ANO2: variants seen among roughly 807,000 people sequenced by gnomAD.
ANO2 encodes anoctamin-2.
In ANO2, 101 loss-of-function variants were observed where a neutral mutation model predicts 124.2. The ratio of observed to expected loss-of-function variants is 0.81; its 90% CI spans 0.69 to 0.96. The LOEUF (loss-of-function observed/expected upper bound fraction) is 0.96, where lower values mean the gene tolerates loss of function less well. Among genes scored for constraint, ANO2 ranks in the 40% least tolerant of loss-of-function variants. The probability of loss-of-function intolerance (pLI) is 0.00; values close to 1 mark genes in which losing one functional copy is unlikely to be tolerated. For missense variants in ANO2, 1,293 were observed against 1,274.5 expected, an observed-to-expected ratio of 1.01 and a Z score of -0.22; for synonymous variants, 486 against 482.5, an observed-to-expected ratio of 1.01 and a Z score of -0.09.
intron 14 of ANO2, among the ~76,000 whole-genome samples, chr12:5,710,847 C>T (rs576774138): frequency 6.4e-4 from 97 of 152,266 alleles, no homozygotes; most frequent in African/African-American, 2.2e-3. Context: ...GAATGTTTGT[C>T]TCCTCCAAAT....
chr12:5,740,923 C>T (rs1455648407), intron 12 of ANO2: 2 of 152,554 alleles, frequency 1.3e-5, no homozygotes, highest in Non-Finnish European at 2.9e-5. Context: ...CACGTTGTCC[C>T]TCTCTCCTGT....
chr12:5,797,193 G>A (rs1256406712), intron 10 of ANO2, among the ~76,000 whole-genome samples: 4 of 152,234 alleles, frequency 2.6e-5, no homozygotes, highest in Non-Finnish European at 5.9e-5. Context: ...GGCCTGTGAT[G>A]GCTCAGGAAG....
At chr12:5,576,143 C>T (rs150991408) in intron 22 of ANO2, 128 bp from the exon 23 acceptor site, 1 of 943,178 alleles carries the variant, frequency 1.1e-6, no homozygotes, top group Admixed American at 3.3e-5. Context: ...GATCAGGTCC[C>T]TGAGCTCATG....
At chr12:5,831,937 T>C (rs1954165750) in intron 5 of ANO2, among the ~76,000 whole-genome samples, 1 of 152,122 alleles carries the variant, frequency 6.6e-6, no homozygotes, top group Admixed American at 6.5e-5. Flanking sequence ...TGGCTATCTC[T>C]GTGAAGAGCT....
intron 14 of ANO2, among the ~76,000 whole-genome samples, chr12:5,684,049 C>A (rs1948606770): frequency 6.6e-6 from 1 of 152,176 alleles, no homozygotes; most frequent in Non-Finnish European, 1.5e-5. Context: ...TGACTGTAAT[C>A]CACTTCCCTC....
chr12:5,670,497 A>T (rs190573269), intron 14 of ANO2, among the ~76,000 whole-genome samples: 2 of 152,252 alleles, frequency 1.3e-5, no homozygotes, highest in East Asian at 3.9e-4. Flanking sequence ...TTTCCCTATT[A>T]TTTCATGTTT....
At chr12:5,805,618 T>G (rs1435899020) in intron 9 of ANO2, among the ~76,000 whole-genome samples, 1 of 152,176 alleles carries the variant, frequency 6.6e-6, no homozygotes, top group Admixed American at 6.5e-5. Context: ...CATCACATGT[T>G]TTAAGCAAGA....
At chr12:5,928,040 T>C (rs369259506) in intron 1 of ANO2, among the ~76,000 whole-genome samples, 8 of 152,096 alleles carry the variant, frequency 5.3e-5, no homozygotes, top group Non-Finnish European at 1.0e-4. Flanking sequence ...CAGGGCCAGA[T>C]TGTGCAGAGA....
intron 3 of ANO2, among the ~76,000 whole-genome samples, chr12:5,869,812 C>A (rs980724099): frequency 6.6e-6 from 1 of 152,106 alleles, no homozygotes; most frequent in African/African-American, 2.4e-5. Context: ...AGACACCTGC[C>A]CCCTTTCAGC....
rs549254794 is a variant in ANO2, at chr12:5,575,934, C to T, written c.2521G>A (p.Gly841Ser). ...YSYSHNGTLHGFVNHTLSFFN... is the reference protein window; with the variant it reads ...YSYSHNGTLHSFVNHTLSFFN... Reference sequence around the variant, plus strand: ...AAGGAGAGGGTGTGGTTGACAAAGCCGTGCAGAGTCCCATTGTGACTGTAG... The same window carrying T: ...AAGGAGAGGGTGTGGTTGACAAAGCTGTGCAGAGTCCCATTGTGACTGTAG... Residue 841 changes from glycine (G) to serine (S), a missense_variant, in exon 23 of 25, where the codon GGC (glycine) becomes AGC (serine). Gly to Ser is a moderately conservative substitution (Grantham distance 56). Coordinates refer to ENST00000682330, the MANE Select transcript of ANO2 (RefSeq NM_001364791.2). 27 of 1,613,484 alleles carry T rather than the reference C, an allele frequency of 1.7e-5. No homozygotes were observed. The highest frequency in any genetic ancestry group is 8.8e-5 in the South Asian group (8 of 90,872).
chr12:5,612,994 A>T (rs1190355712), intron 17 of ANO2, 36 bp from the exon 18 acceptor site: 5 of 1,609,284 alleles, frequency 3.1e-6, no homozygotes, highest in Non-Finnish European at 3.4e-6. Flanking sequence ...TTAGGGGAAG[A>T]GAAAGCATGC....
Position 5,889,113 on chromosome 12 carries a change from A to G in ANO2, c.534+31927T>C, listed in dbSNP as rs181026821. Among the ~76,000 whole-genome samples, 825 of 152,280 alleles carry G rather than the reference A, an allele frequency of 5.4e-3. 6 individuals carry two copies. The highest frequency in any genetic ancestry group is 0.019 in the African/African-American group (801 of 41,566). ...CCAGGTGCTAAGCCTCTCACTGCCC[A>G]CGGCCGGCGGGCCGGCTGGTTGCTC... On this transcript the variant is annotated intron_variant, in intron 3 of 24. Coordinates refer to ENST00000682330, the MANE Select transcript of ANO2 (RefSeq NM_001364791.2).
At chr12:5,747,418 C>T (rs939614459) in intron 11 of ANO2, among the ~76,000 whole-genome samples, 4 of 152,114 alleles carry the variant, frequency 2.6e-5, no homozygotes, top group Non-Finnish European at 5.9e-5. Flanking sequence ...TTCCATCAGA[C>T]CCACAGAAGT....
chr12:5,629,533 C>T (rs541951360), intron 16 of ANO2, among the ~76,000 whole-genome samples: 10 of 152,328 alleles, frequency 6.6e-5, no homozygotes, highest in African/African-American at 1.9e-4. Flanking sequence ...CCTTATCCTC[C>T]TACCATGCTG....
intron 10 of ANO2, among the ~76,000 whole-genome samples, chr12:5,760,484 TC>T (rs985686564): frequency 6.6e-6 from 1 of 152,146 alleles, no homozygotes; most frequent in Non-Finnish European, 1.5e-5. Flanking sequence ...AGAGCTCTCA[TC>T]CCAAACAACT....
intron 10 of ANO2, among the ~76,000 whole-genome samples, chr12:5,778,957 C>T (rs759607298): frequency 5.9e-5 from 9 of 152,154 alleles, no homozygotes; most frequent in Non-Finnish European, 1.2e-4. Flanking sequence ...CCCAAGTTCC[C>T]AGTTCTGCAT....
In ANO2 at chr12:5,927,117, G is replaced by A. The variant is rs183246178; in HGVS notation, c.23-4313C>T. Among the ~76,000 whole-genome samples the A allele has an allele frequency of 1.8e-4, 28 of 152,230 alleles. No individual in the cohort carries two copies. In the East Asian group the frequency reaches 4.4e-3, roughly 24 times the overall value. On this transcript the variant is annotated intron_variant, in intron 1 of 24. Coordinates refer to ENST00000682330, the MANE Select transcript of ANO2 (RefSeq NM_001364791.2). ...TCCCTGGAATTCCCTTTCTCTCCCA[G>A]CCCACTGCCTGCTCACCTGCCACTT...
chr12:5,690,789 C>T (rs1948899563), intron 14 of ANO2, among the ~76,000 whole-genome samples: 1 of 152,148 alleles, frequency 6.6e-6, no homozygotes, highest in Non-Finnish European at 1.5e-5. Flanking sequence ...CCTTTCATCA[C>T]ATTTAGAATG....
At chr12:5,615,539 C>T (rs922106470) in intron 16 of ANO2, among the ~76,000 whole-genome samples, 16 of 152,126 alleles carry the variant, frequency 1.1e-4, no homozygotes, top group Admixed American at 1.0e-3. Flanking sequence ...CACCTTCCTC[C>T]TCTTGTCTAC....
Sources: gnomAD v4.1 joint callset for allele counts (sites outside exome capture counted in the v4.1 genomes callset) on GRCh38, gnomAD v4.1.1 for gene constraint, MANE v1.5 for transcripts, NCBI Gene and HGNC (gene_info 2026-07-23, HGNC 2026-07-21) for gene names.